Variants in TRPM3 observed in about 807,000 individuals in gnomAD.
TRPM3 encodes transient receptor potential cation channel subfamily M member 3, also known as long transient receptor potential channel 3.
A neutral mutation model predicts 181.2 loss-of-function variants in TRPM3; 77 were observed. The observed-to-expected ratio is 0.42, with a 90% CI of 0.35 to 0.51. The LOEUF is 0.51. Among genes scored for constraint, TRPM3 ranks in the 20% least tolerant of loss-of-function variants. The pLI, the probability that TRPM3 is intolerant of heterozygous loss-of-function variation, is 0.01. For missense variants in TRPM3, 1,759 were observed against 2,196.7 expected (o/e 0.80, Z 3.98); for synonymous variants, 745 against 796.4 (o/e 0.94, Z 1.09).
chr9:70,947,305 T>C (rs980321970), intron 1 of TRPM3, among the ~76,000 whole-genome samples: 1 of 152,220 alleles, frequency 6.6e-6, no homozygotes, highest in African/African-American at 2.4e-5. Context: ...TACTGGATAC[T>C]TGGATGTCTT....
intron 22 of TRPM3, among the ~76,000 whole-genome samples, chr9:70,574,774 T>A (rs1228306722): frequency 6.6e-6 from 1 of 152,154 alleles, no homozygotes; most frequent in Non-Finnish European, 1.5e-5. Context: ...TCAGGCTGGC[T>A]GGCAGGCTGA....
chr9:71,281,786 G>A (rs1404088739), intron 1 of TRPM3, among the ~76,000 whole-genome samples: 2 of 152,154 alleles, frequency 1.3e-5, no homozygotes. Context: ...TTGTGGCCAG[G>A]TGCGGTGGAT....
At chr9:71,146,967 T>C (rs1312235229) in intron 1 of TRPM3, among the ~76,000 whole-genome samples, 1 of 152,136 alleles carries the variant, frequency 6.6e-6, no homozygotes, top group African/African-American at 2.4e-5. Context: ...TTTGTGGCTA[T>C]TGGATGTCAT....
intron 1 of TRPM3, among the ~76,000 whole-genome samples, chr9:71,293,395 C>A (rs1198996670): frequency 6.6e-6 from 1 of 151,686 alleles, no homozygotes; most frequent in African/African-American, 2.4e-5. Context: ...TAAGCATTTC[C>A]AAATTATTAA....
intron 1 of TRPM3, among the ~76,000 whole-genome samples, chr9:71,096,588 ACACTCTCT>A (rs1291457372): frequency 3.0e-4 from 29 of 96,944 alleles, no homozygotes; most frequent in South Asian, 1.2e-3. Context: ...ACACACACAC[ACACTCTCT>A]CTCTCTCTCT....
At chr9:70,669,523 G>A (rs1462207668) in intron 9 of TRPM3, among the ~76,000 whole-genome samples, 1 of 152,086 alleles carries the variant, frequency 6.6e-6, no homozygotes, top group Non-Finnish European at 1.5e-5. Flanking sequence ...GCTGAAGAAA[G>A]CTGAAGAAAC....
At chr9:71,305,833 G>A (rs2132359188) in intron 1 of TRPM3, among the ~76,000 whole-genome samples, 1 of 152,122 alleles carries the variant, frequency 6.6e-6, no homozygotes, top group South Asian at 2.1e-4. Context: ...CGCCATATCT[G>A]CTCGTTACTA....
chr9:71,034,359 A>G (rs932993418), intron 1 of TRPM3, among the ~76,000 whole-genome samples: 1 of 152,198 alleles, frequency 6.6e-6, no homozygotes, highest in Non-Finnish European at 1.5e-5. Context: ...CTTATTCCCA[A>G]GAAGAGGTAA....
chr9:70,592,658 C>CA (rs200666015), intron 21 of TRPM3, among the ~76,000 whole-genome samples: 19 of 151,424 alleles, frequency 1.3e-4, no homozygotes, highest in South Asian at 2.1e-4. Context: ...TGCCCATCCA[C>CA]AAAAAAAAGC....
intron 8 of TRPM3, among the ~76,000 whole-genome samples, chr9:70,693,914 A>G (rs2069366976): frequency 6.6e-6 from 1 of 152,220 alleles, no homozygotes; most frequent in South Asian, 2.1e-4. Flanking sequence ...GATACATTTT[A>G]CTTCTTCTTC....
At chr9:71,166,663 T>C (rs1470321195) in intron 1 of TRPM3, among the ~76,000 whole-genome samples, 1 of 152,178 alleles carries the variant, frequency 6.6e-6, no homozygotes, top group African/African-American at 2.4e-5. Flanking sequence ...ATATAATGTT[T>C]TTGTCTCCAT....
At chr9:70,795,995 C>T (rs1473342879) in intron 6 of TRPM3, among the ~76,000 whole-genome samples, 1 of 152,194 alleles carries the variant, frequency 6.6e-6, no homozygotes, top group Non-Finnish European at 1.5e-5. Flanking sequence ...AAGGCTGAAT[C>T]TTTTAATGTA....
intron 1 of TRPM3, among the ~76,000 whole-genome samples, chr9:71,432,368 T>C (rs1382428209): frequency 2.0e-5 from 3 of 146,796 alleles, no homozygotes; most frequent in Non-Finnish European, 4.5e-5. Flanking sequence ...TGGTTCCTTC[T>C]GCATACATTT....
At chr9:70,785,053 C>G (rs1039828157) in intron 6 of TRPM3, among the ~76,000 whole-genome samples, 4 of 152,192 alleles carry the variant, frequency 2.6e-5, no homozygotes, top group East Asian at 3.9e-4. Context: ...TGATTCTTAA[C>G]AGCATGATTG....
chr9:71,289,647 C>A (rs2085614507), intron 1 of TRPM3, among the ~76,000 whole-genome samples: 1 of 152,006 alleles, frequency 6.6e-6, no homozygotes, highest in Admixed American at 6.6e-5. Flanking sequence ...GTGGGCATAT[C>A]ACTTGAGGTC....
chr9:70,554,784 C>G (rs1328580035), intron 22 of TRPM3, among the ~76,000 whole-genome samples: 1 of 152,204 alleles, frequency 6.6e-6, no homozygotes, highest in Non-Finnish European at 1.5e-5. Flanking sequence ...CATTAGGACA[C>G]CAAGACCTGG....
intron 1 of TRPM3, among the ~76,000 whole-genome samples, chr9:71,165,616 C>G (rs934494725): frequency 6.6e-6 from 1 of 152,120 alleles, no homozygotes; most frequent in East Asian, 1.9e-4. Context: ...TTTCTCCCTG[C>G]CCTCTTTTCC....
intron 1 of TRPM3, among the ~76,000 whole-genome samples, chr9:70,977,656 T>A (rs1470765948): frequency 6.6e-6 from 1 of 152,242 alleles, no homozygotes; most frequent in Admixed American, 6.5e-5. Context: ...TCAGTTTTAT[T>A]TCTGAGTGAC....
intron 1 of TRPM3, among the ~76,000 whole-genome samples, chr9:70,879,419 G>A (rs2095939660): frequency 6.6e-6 from 1 of 151,966 alleles, no homozygotes. Context: ...TACATTTTAA[G>A]ATTTAAATTT....
Sources: gnomAD v4.1 joint callset for allele counts (sites outside exome capture counted in the v4.1 genomes callset) on GRCh38, gnomAD v4.1.1 for gene constraint, MANE v1.5 for transcripts, NCBI Gene and HGNC (gene_info 2026-07-23, HGNC 2026-07-21) for gene names.